The following EFR3A variants were observed in gnomAD, a reference collection of about 807,000 sequenced individuals.
EFR3A encodes the protein EFR3 homolog A.
In EFR3A, 76 loss-of-function variants were observed where a neutral mutation model predicts 104.4. That is an observed-to-expected ratio of 0.73 (90% confidence interval 0.60 to 0.88). EFR3A has a LOEUF of 0.88. EFR3A is among the 40% of genes least tolerant of loss of function. The pLI, the probability that EFR3A is intolerant of heterozygous loss-of-function variation, is 0.00. For synonymous variants in EFR3A, 330 were observed against 330.0 expected (o/e 1.00, Z 0.00); for missense variants, 985 against 1,012.5 (o/e 0.97, Z 0.37).
intron 1 of EFR3A, among the ~76,000 whole-genome samples, chr8:131,914,783 AT>A (rs1356600207): frequency 2.0e-5 from 3 of 151,916 alleles, no homozygotes; most frequent in Admixed American, 6.5e-5. Context: ...CCCAGTAGTT[AT>A]TTTTTCTGCT....
intron 1 of EFR3A, among the ~76,000 whole-genome samples, chr8:131,930,094 A>G (rs1274175960): frequency 2.0e-5 from 3 of 152,134 alleles, no homozygotes; most frequent in Admixed American, 1.3e-4. Flanking sequence ...AGACCCAGGT[A>G]TGCTTATAAG....
chr8:131,992,726 A>G (rs948491511), intron 18 of EFR3A, among the ~76,000 whole-genome samples: 1 of 152,190 alleles, frequency 6.6e-6, no homozygotes, highest in African/African-American at 2.4e-5. Flanking sequence ...ACATGATTCT[A>G]GAAAGCAGAT....
At chr8:132,004,304 G>A (rs1821930120) in intron 22 of EFR3A, among the ~76,000 whole-genome samples, 1 of 152,196 alleles carries the variant, frequency 6.6e-6, no homozygotes, top group South Asian at 2.1e-4. Flanking sequence ...TAGGAACCAG[G>A]CTCCACAGCA....
At chr8:131,978,507 C>T (rs1418345941) in intron 12 of EFR3A, among the ~76,000 whole-genome samples, 1 of 152,126 alleles carries the variant, frequency 6.6e-6, no homozygotes, top group Non-Finnish European at 1.5e-5. Context: ...TTGTACTAAC[C>T]TTAACCTCTC....
intron 7 of EFR3A, among the ~76,000 whole-genome samples, chr8:131,957,116 T>C (rs1200834117): frequency 6.6e-6 from 1 of 152,132 alleles, no homozygotes; most frequent in African/African-American, 2.4e-5. Flanking sequence ...ATTAAATTAA[T>C]CTTAAGTAAA....
intron 19 of EFR3A, among the ~76,000 whole-genome samples, chr8:132,001,528 A>T (rs1437985626): frequency 6.6e-6 from 1 of 152,164 alleles, no homozygotes; most frequent in Non-Finnish European, 1.5e-5. Context: ...TTGCAGTCTA[A>T]TGCTAATCTA....
chr8:131,974,804 C>T (rs548339972), intron 10 of EFR3A, among the ~76,000 whole-genome samples: 38 of 152,246 alleles, frequency 2.5e-4, no homozygotes, highest in African/African-American at 8.9e-4. Flanking sequence ...ACTTTTACCC[C>T]TAAGTCCAAT....
At chr8:131,940,784 A>T in intron 2 of EFR3A, 1 of 712,036 alleles carries the variant, frequency 1.4e-6, no homozygotes, top group Non-Finnish European at 2.1e-6. Flanking sequence ...GATTAGGCAC[A>T]AATCTAGAAA....
intron 5 of EFR3A, among the ~76,000 whole-genome samples, chr8:131,951,104 G>A (rs1258012291): frequency 1.3e-5 from 2 of 152,082 alleles, no homozygotes; most frequent in Non-Finnish European, 2.9e-5. Context: ...GGAATGTACA[G>A]AAATATAACT....
chr8:131,988,665 T>C (rs1821018725), intron 18 of EFR3A, among the ~76,000 whole-genome samples: 1 of 152,030 alleles, frequency 6.6e-6, no homozygotes, highest in Non-Finnish European at 1.5e-5. Flanking sequence ...ATTTAAAATA[T>C]TTTACTCTTA....
At chr8:131,955,707 T>C (rs1563660588) in intron 6 of EFR3A, 61 bp from the exon 7 acceptor site, 4 of 1,531,132 alleles carry the variant, frequency 2.6e-6, no homozygotes, top group African/African-American at 1.4e-5. Flanking sequence ...AAAGTATATT[T>C]TGTTTATTAG....
At chr8:131,982,638 A>G (rs931973679) in intron 14 of EFR3A, among the ~76,000 whole-genome samples, 13 of 152,286 alleles carry the variant, frequency 8.5e-5, no homozygotes, top group Admixed American at 2.0e-4. Flanking sequence ...TATGGTGACT[A>G]TGTAGTAGGT....
chr8:131,971,504 C>T (rs995375177), intron 10 of EFR3A, among the ~76,000 whole-genome samples: 2 of 151,960 alleles, frequency 1.3e-5, no homozygotes, highest in Non-Finnish European at 1.5e-5. Context: ...CTAGCTAACA[C>T]GGTGAAACCC....
chr8:131,966,852 A>C (rs1218098028), intron 8 of EFR3A, among the ~76,000 whole-genome samples: 3 of 152,152 alleles, frequency 2.0e-5, no homozygotes, highest in Admixed American at 6.6e-5. Context: ...CATGACTTCA[A>C]CATACTGTAT....
At chr8:131,907,967 C>T (rs1174744762) in intron 1 of EFR3A, among the ~76,000 whole-genome samples, 1 of 152,040 alleles carries the variant, frequency 6.6e-6, no homozygotes, top group Non-Finnish European at 1.5e-5. Flanking sequence ...ATCTTTCAGT[C>T]TGTCCCCACT....
At chr8:131,976,316 T>C (rs1212950484) in intron 11 of EFR3A, among the ~76,000 whole-genome samples, 175 bp downstream of exon 11, 3 of 152,314 alleles carry the variant, frequency 2.0e-5, no homozygotes, top group East Asian at 3.9e-4. Context: ...TTAGCATTTT[T>C]AGGCCTTTAG....
Position 131,984,931 on chromosome 8 carries a change from C to T in EFR3A, c.1740C>T (p.Asp580=). 2 of 1,612,860 alleles carry T rather than the reference C, an allele frequency of 1.2e-6. No individual in the cohort carries two copies. Among genetic ancestry groups the T allele is most frequent in the East Asian group, 2.2e-5 (1 of 44,840 alleles). ...DLIRLAIALQ[D]SAIINEDNLP... is the part of the protein sequence containing the mutation. Reference sequence around the variant, plus strand: ...GATGTGTTTGTTTCTTATTAAAGGACAGTGCAATTATCAATGAGGATAATT... The same window carrying T: ...GATGTGTTTGTTTCTTATTAAAGGATAGTGCAATTATCAATGAGGATAATT... Residue 580 remains aspartate (D), a splice_region_variant and synonymous_variant, in exon 16 of 23, where the codon GAC becomes GAT. Transcript: ENST00000254624.
At position 131,987,665 on chromosome 8, in the gene EFR3A, TGA is replaced by T; in HGVS notation, c.2033_2034del (p.Arg678IlefsTer12). ...ESLGGSGYSV[E>X]RLSVPYVPQV... Reference sequence around the variant, plus strand: ...CGCTAGGTGGAAGTGGATATAGTGTTGAGAGATTGTCAGTTCCGTATGTACCA... The same window carrying T: ...CGCTAGGTGGAAGTGGATATAGTGTTGAGATTGTCAGTTCCGTATGTACCA... On this transcript the variant is annotated frameshift_variant, in exon 18 of 23. Coordinates refer to ENST00000254624, the MANE Select transcript of EFR3A (RefSeq NM_015137.6). LOFTEE classifies it high-confidence loss of function. The T allele has an allele frequency of 6.3e-7, 1 of 1,596,796 alleles. No homozygotes were observed. The highest frequency in any genetic ancestry group is 8.5e-7 in the Non-Finnish European group (1 of 1,170,708).
At chr8:132,003,879 A>C (rs573129381) in intron 22 of EFR3A, among the ~76,000 whole-genome samples, 2 of 152,322 alleles carry the variant, frequency 1.3e-5, no homozygotes, top group South Asian at 4.1e-4. Flanking sequence ...GAACTTCCAC[A>C]TAGTCTTACA....
Sources: allele counts gnomAD v4.1 joint callset (sites outside exome capture counted in the v4.1 genomes callset), GRCh38; gene constraint gnomAD v4.1.1; transcripts MANE v1.5; gene names NCBI Gene and HGNC (gene_info 2026-07-23, HGNC 2026-07-21).